Variants in LZTFL1 observed in about 807,000 individuals in gnomAD.
The protein encoded by LZTFL1 is leucine zipper transcription factor-like protein 1.
LZTFL1 carries 25 observed loss-of-function variants against 45.9 expected under a neutral mutation model. The observed-to-expected ratio is 0.54, with a 90% confidence interval of 0.40 to 0.76. The LOEUF (loss-of-function observed/expected upper bound fraction) is 0.76. Among genes scored for constraint, LZTFL1 ranks in the 30% least tolerant of loss-of-function variants. LZTFL1 has a pLI of 0.00. For missense variants in LZTFL1, 277 were observed against 331.1 expected, an observed-to-expected ratio of 0.84 and a Z score of 1.27; for synonymous variants, 93 against 117.4, an observed-to-expected ratio of 0.79 and a Z score of 1.35.
At chr3:45,873,414 G>A (rs1239679580) in intron 2 of LZTFL1, among the ~76,000 whole-genome samples, 1 of 152,010 alleles carries the variant, frequency 6.6e-6, no homozygotes, top group Admixed American at 6.6e-5. Flanking sequence ...TTCTCCATCA[G>A]CCTTACTTGC....
chr3:45,895,903 T>C (rs1349546501), intron 2 of LZTFL1, among the ~76,000 whole-genome samples: 1 of 152,210 alleles, frequency 6.6e-6, no homozygotes, highest in Non-Finnish European at 1.5e-5. Flanking sequence ...GTTTTACATG[T>C]AGATAATTGA....
At chr3:45,839,080 A>G (rs953077776) in intron 1 of LZTFL1, among the ~76,000 whole-genome samples, 1 of 127,792 alleles carries the variant, frequency 7.8e-6, no homozygotes, top group Non-Finnish European at 1.6e-5. Flanking sequence ...CTAAAAACAA[A>G]GCATAAATAC....
rs112755034 is a variant in LZTFL1, at chr3:45,900,469, C to T, written c.-215+12651G>A. On this transcript the variant is annotated intron_variant, in intron 2 of 4. Coordinates refer to the LZTFL1 transcript ENST00000472635. This position sits in a 1 kb window ranked among gnomAD's most constrained non-coding sequence, Gnocchi z 4.7. ...TCAGTAGTGTGGAGGCACTCTTACC[C>T]CATCAGAGCACTTGGCATGCACACT... is the stretch of plus-strand genomic sequence containing the variant. Among the ~76,000 whole-genome samples the T allele has an allele frequency of 2.6e-3, 402 of 152,200 alleles. 7 individuals are homozygous for T. The highest frequency in any genetic ancestry group is 0.02 in the Middle Eastern group (6 of 294).
chr3:45,830,312 A>G (rs1217966777), intron 7 of LZTFL1, among the ~76,000 whole-genome samples: 2 of 152,242 alleles, frequency 1.3e-5, no homozygotes, highest in Non-Finnish European at 2.9e-5. Context: ...CAGGAGACAG[A>G]CTGTACATAC....
At chr3:45,863,189 T>C (rs539428820) in intron 2 of LZTFL1, among the ~76,000 whole-genome samples, 1 of 152,252 alleles carries the variant, frequency 6.6e-6, no homozygotes, top group African/African-American at 2.4e-5. Flanking sequence ...GTGCGTCTAA[T>C]GTCCTTCAGG....
intron 2 of LZTFL1, among the ~76,000 whole-genome samples, chr3:45,869,892 G>C (rs930440667): frequency 6.6e-6 from 1 of 152,244 alleles, no homozygotes; most frequent in East Asian, 1.9e-4. Flanking sequence ...TTGCAATTTG[G>C]CTCCTCCAGT....
At chr3:45,904,307 C>A (rs1702636377) in intron 2 of LZTFL1, among the ~76,000 whole-genome samples, 1 of 152,210 alleles carries the variant, frequency 6.6e-6, no homozygotes, top group Non-Finnish European at 1.5e-5. Flanking sequence ...GATTGCCAAC[C>A]TTGACCATTG....
intron 2 of LZTFL1, among the ~76,000 whole-genome samples, chr3:45,837,451 T>A (rs996202087): frequency 6.6e-6 from 1 of 152,230 alleles, no homozygotes; most frequent in African/African-American, 2.4e-5. Flanking sequence ...CCAACCATTA[T>A]CATCTCATGC....
intron 2 of LZTFL1, among the ~76,000 whole-genome samples, chr3:45,868,057 T>C (rs113025431): frequency 0.011 from 1,669 of 148,558 alleles, 29 homozygotes; most frequent in African/African-American, 0.038. Flanking sequence ...ATTGCTGCCC[T>C]TGAATCCTTC....
At chr3:45,913,306 T>A (rs1431494713) in intron 1 of LZTFL1, 5 of 176,516 alleles carry the variant, frequency 2.8e-5, no homozygotes, top group East Asian at 1.5e-4. Flanking sequence ...GATCCTTAAC[T>A]TTTTTTTTTT....
Position 45,842,102 on chromosome 3 carries a change from G to A in LZTFL1, c.-111C>T. Reference sequence around the variant, plus strand: ...CCACAGAAAATGGGGAAGGAGGGTAGGTTGTTTAGAAGCCTCTGGTTGCTA... The same window carrying A: ...CCACAGAAAATGGGGAAGGAGGGTAAGTTGTTTAGAAGCCTCTGGTTGCTA... On this transcript the variant is annotated 5_prime_UTR_variant, in exon 1 of 10. Transcript: ENST00000296135. 1.3e-6 allele frequency: 2 copies of A among 1,555,552 alleles called. No homozygotes were observed. The highest frequency in any genetic ancestry group is 3.8e-5 in the Admixed American group (2 of 52,632).
chr3:45,912,821 A>G (rs1003563663), intron 2 of LZTFL1, among the ~76,000 whole-genome samples: 7 of 152,192 alleles, frequency 4.6e-5, no homozygotes, highest in Admixed American at 1.3e-4. Flanking sequence ...TTCGTGAGCA[A>G]AATAAATCTT....
intron 4 of LZTFL1, among the ~76,000 whole-genome samples, chr3:45,849,704 C>A (rs1701279600): frequency 1.3e-5 from 2 of 152,146 alleles, no homozygotes; most frequent in Admixed American, 1.3e-4. Context: ...TTCATTAAAT[C>A]ATCCACAAAA....
chr3:45,879,069 A>G (rs1701804492), intron 2 of LZTFL1, among the ~76,000 whole-genome samples: 1 of 152,220 alleles, frequency 6.6e-6, no homozygotes. Context: ...GGAATGCAAA[A>G]AGGTACAGCC....
chr3:45,840,210 C>T (rs1231584525), intron 1 of LZTFL1, among the ~76,000 whole-genome samples: 2 of 152,072 alleles, frequency 1.3e-5, no homozygotes, highest in Non-Finnish European at 2.9e-5. Flanking sequence ...GGGTAAATGA[C>T]AGAAAAGTTC....
intron 2 of LZTFL1, among the ~76,000 whole-genome samples, chr3:45,888,690 T>A (rs1057085336): frequency 2.6e-5 from 4 of 152,164 alleles, no homozygotes; most frequent in African/African-American, 9.7e-5. Context: ...TATGTGGGAT[T>A]TTCCCCCCTA....
intron 2 of LZTFL1, among the ~76,000 whole-genome samples, chr3:45,875,016 T>C (rs1179427354): frequency 2.0e-5 from 3 of 152,206 alleles, no homozygotes; most frequent in Non-Finnish European, 2.9e-5. Context: ...AACTTCTCAA[T>C]TGAGCCCAGC....
chr3:45,832,943 A>G (rs374207619), intron 5 of LZTFL1, 107 bp downstream of exon 5: 5 of 785,280 alleles, frequency 6.4e-6, no homozygotes, highest in East Asian at 2.5e-5. Context: ...GCAATGGACT[A>G]ATTATCCTCA....
chr3:45,894,286 G>A (rs565701341), intron 2 of LZTFL1, among the ~76,000 whole-genome samples: 1 of 152,330 alleles, frequency 6.6e-6, no homozygotes, highest in East Asian at 1.9e-4. Flanking sequence ...CTGAAGTCAG[G>A]GTAAAGAGGA....
Sources: gnomAD v4.1 joint callset for allele counts (sites outside exome capture counted in the v4.1 genomes callset) on GRCh38, gnomAD v4.1.1 for gene constraint, Gnocchi (gnomAD v3.1) non-coding constraint, MANE v1.5 for transcripts, NCBI Gene and HGNC (gene_info 2026-07-23, HGNC 2026-07-21) for gene names.